Variants in ST3GAL3 observed in about 807,000 individuals in gnomAD.
ST3GAL3 encodes CMP-N-acetylneuraminate-beta-1,4-galactoside alpha-2,3-sialyltransferase.
Under a neutral mutation model 50.1 loss-of-function variants are expected in ST3GAL3, and 21 were observed. The ratio of observed to expected loss-of-function variants is 0.42; its 90% confidence interval spans 0.30 to 0.60. The LOEUF (loss-of-function observed/expected upper bound fraction) is 0.60. Ranked by LOEUF, ST3GAL3 falls within the 20% of genes least tolerant of loss-of-function variation. The pLI is 0.19. For synonymous variants in ST3GAL3, 183 were observed against 190.0 expected, an observed-to-expected ratio of 0.96 and a Z score of 0.30; for missense variants, 353 against 489.4, an observed-to-expected ratio of 0.72 and a Z score of 2.63.
intron 2 of ST3GAL3, among the ~76,000 whole-genome samples, chr1:43,791,764 A>G (rs2058105880): frequency 6.6e-6 from 1 of 152,262 alleles, no homozygotes; most frequent in Non-Finnish European, 1.5e-5. Flanking sequence ...AGATTCAGGA[A>G]GGAACTTTTA....
At chr1:43,847,297 G>T (rs2066417379) in intron 5 of ST3GAL3, among the ~76,000 whole-genome samples, 1 of 152,168 alleles carries the variant, frequency 6.6e-6, no homozygotes, top group Non-Finnish European at 1.5e-5. Context: ...CCACTTCTGG[G>T]TATATACCCA....
chr1:43,895,578 T>A (rs2077278457), intron 6 of ST3GAL3, among the ~76,000 whole-genome samples: 1 of 152,118 alleles, frequency 6.6e-6, no homozygotes, highest in Non-Finnish European at 1.5e-5. Context: ...CAGAATTACA[T>A]AAAATAACTG....
chr1:43,761,747 G>A (rs1273799078), intron 2 of ST3GAL3, among the ~76,000 whole-genome samples: 5 of 148,158 alleles, frequency 3.4e-5, no homozygotes, highest in African/African-American at 1.0e-4. Context: ...TCAGGAGATC[G>A]AGACCATCCT....
chr1:43,880,626 C>G (rs928952356), intron 5 of ST3GAL3, among the ~76,000 whole-genome samples: 1 of 152,176 alleles, frequency 6.6e-6, no homozygotes, highest in African/African-American at 2.4e-5. Flanking sequence ...TCTGTCCTCT[C>G]CTTCACTACC....
chr1:43,865,055 C>T (rs1368647253), intron 5 of ST3GAL3, among the ~76,000 whole-genome samples: 2 of 146,780 alleles, frequency 1.4e-5, no homozygotes, highest in Non-Finnish European at 3.0e-5. Context: ...CTTGCTCTGT[C>T]GCCCAGGCTG....
At chr1:43,751,300 G>A (rs548778646) in intron 2 of ST3GAL3, among the ~76,000 whole-genome samples, 1 of 152,108 alleles carries the variant, frequency 6.6e-6, no homozygotes, top group Non-Finnish European at 1.5e-5. Flanking sequence ...TATAATATAA[G>A]TGGGTTCCTG....
intron 9 of ST3GAL3, among the ~76,000 whole-genome samples, chr1:43,904,051 C>A (rs1004953667): frequency 9.9e-5 from 15 of 151,994 alleles, no homozygotes; most frequent in African/African-American, 3.1e-4. Flanking sequence ...GTTAGAAAAA[C>A]CCAATTATCC....
At chr1:43,773,232 C>T (rs1043070433) in intron 2 of ST3GAL3, among the ~76,000 whole-genome samples, 2 of 152,110 alleles carry the variant, frequency 1.3e-5, no homozygotes, top group African/African-American at 2.4e-5. Flanking sequence ...CTCACTCCAG[C>T]GGGCGTGATT....
intron 5 of ST3GAL3, chr1:43,850,484 T>C (rs1457647804): frequency 6.5e-6 from 4 of 617,836 alleles, no homozygotes; most frequent in Admixed American, 1.9e-5. Flanking sequence ...TAAAGTGGGC[T>C]ACCTTTTGGA....
At chr1:43,712,630 G>A (rs1033976409) in intron 1 of ST3GAL3, among the ~76,000 whole-genome samples, 5 of 152,192 alleles carry the variant, frequency 3.3e-5, no homozygotes, top group Admixed American at 1.3e-4. Context: ...TTCTAAAAGC[G>A]CACCTGATAT....
chr1:43,916,657 A>G (rs1410090312), intron 9 of ST3GAL3: 1 of 152,070 alleles, frequency 6.6e-6, no homozygotes, highest in East Asian at 1.9e-4. Context: ...ATCACGGCTC[A>G]CTGCAGCCTA....
intron 9 of ST3GAL3, chr1:43,919,114 G>A (rs1302634882): frequency 9.5e-6 from 1 of 105,418 alleles, no homozygotes; most frequent in Non-Finnish European, 1.7e-5. Flanking sequence ...GTCTCGCTCT[G>A]TCGCCCAGGC....
intron 5 of ST3GAL3, among the ~76,000 whole-genome samples, chr1:43,889,071 A>G (rs569577440): frequency 2.4e-4 from 36 of 152,334 alleles, no homozygotes; most frequent in Non-Finnish European, 3.4e-4. Flanking sequence ...ATAATCAATC[A>G]TGGGAGTATT....
intron 4 of ST3GAL3, among the ~76,000 whole-genome samples, chr1:43,825,726 C>A (rs1352648016): frequency 6.6e-6 from 1 of 151,958 alleles, no homozygotes; most frequent in African/African-American, 2.4e-5. Flanking sequence ...TCAGTTTTGA[C>A]CCTTAGGAAA....
intron 1 of ST3GAL3, among the ~76,000 whole-genome samples, chr1:43,729,804 G>A (rs1387040023): frequency 1.3e-5 from 2 of 152,218 alleles, no homozygotes; most frequent in Non-Finnish European, 2.9e-5. Flanking sequence ...ACAATAAGTG[G>A]CCATTCACAT....
chr1:43,879,252 T>G (rs1486255164), intron 5 of ST3GAL3: 1 of 455,452 alleles, frequency 2.2e-6, no homozygotes, highest in Non-Finnish European at 4.4e-6. Context: ...TGTAACAGGG[T>G]GAGGAAGGAG....
chr1:43,828,572 A>G (rs550672681), intron 4 of ST3GAL3, among the ~76,000 whole-genome samples: 11 of 152,312 alleles, frequency 7.2e-5, no homozygotes, highest in Non-Finnish European at 1.3e-4. Context: ...AACCCAATTA[A>G]AAAAATGGGC....
At chr1:43,713,805 G>A (rs1419097683) in intron 1 of ST3GAL3, among the ~76,000 whole-genome samples, 1 of 151,992 alleles carries the variant, frequency 6.6e-6, no homozygotes, top group Non-Finnish European at 1.5e-5. Flanking sequence ...CGAAGCGCTG[G>A]GTTTACACGC....
chr1:43,824,904 A>G (rs1279302032), intron 4 of ST3GAL3: 4 of 733,734 alleles, frequency 5.5e-6, no homozygotes, highest in Admixed American at 4.0e-5. Context: ...TGAGTCTAAT[A>G]TGCAGCCAAA....
Sources: gnomAD v4.1 joint callset for allele counts (sites outside exome capture counted in the v4.1 genomes callset) on GRCh38, gnomAD v4.1.1 for gene constraint, MANE v1.5 for transcripts, NCBI Gene and HGNC (gene_info 2026-07-23, HGNC 2026-07-21) for gene names.